GAS7: variants seen among roughly 807,000 people sequenced by gnomAD.
GAS7 encodes growth arrest-specific protein 7.
GAS7 carries 28 observed loss-of-function variants against 71.1 expected under a neutral mutation model. The observed-to-expected ratio is 0.39, with a 90% CI of 0.29 to 0.54. GAS7 has a LOEUF of 0.54. Ranked by LOEUF, GAS7 falls within the 20% of genes least tolerant of loss-of-function variation. The pLI is 0.62. For missense variants in GAS7, 436 were observed against 627.8 expected, an observed-to-expected ratio of 0.69 and a Z score of 3.27; for synonymous variants, 258 against 245.8, an observed-to-expected ratio of 1.05 and a Z score of -0.46.
chr17:10,036,738 C>T, intron 1 of GAS7: 1 of 1,236,644 alleles, frequency 8.1e-7, no homozygotes, highest in Non-Finnish European at 1.0e-6. Flanking sequence ...TTTCCAGATG[C>T]AATGTTTCTG....
chr17:10,121,387 C>T (rs1045111757), intron 1 of GAS7, among the ~76,000 whole-genome samples: 12 of 152,012 alleles, frequency 7.9e-5, no homozygotes, highest in Non-Finnish European at 1.2e-4. Context: ...CCTCAAAAAA[C>T]AAATAAAAAA....
intron 1 of GAS7, among the ~76,000 whole-genome samples, chr17:10,047,019 T>A: frequency 6.6e-6 from 1 of 152,094 alleles, no homozygotes; most frequent in East Asian, 1.9e-4. Flanking sequence ...TAATTTGAGA[T>A]GCAGGATTTG....
At chr17:9,917,384 C>CT in intron 13 of GAS7, 43 bp from the exon 14 acceptor site, 2 of 1,353,748 alleles carry the variant, frequency 1.5e-6, no homozygotes, top group Non-Finnish European at 2.1e-6. Flanking sequence ...GAGACGGCGG[C>CT]CAAGCCAGGG....
chr17:10,014,776 G>GT (rs2071924189), intron 2 of GAS7, among the ~76,000 whole-genome samples: 1 of 152,174 alleles, frequency 6.6e-6, no homozygotes, highest in Non-Finnish European at 1.5e-5. Context: ...ACAGCATCTA[G>GT]TTTGATTTTG....
chr17:10,056,694 A>G (rs2073142096), intron 1 of GAS7, among the ~76,000 whole-genome samples: 2 of 151,692 alleles, frequency 1.3e-5, no homozygotes, highest in South Asian at 4.2e-4. Flanking sequence ...ACACGGTGAA[A>G]CCCCGTCTCT....
rs2067448589 is a variant in GAS7 at position 9,911,932 on chromosome 17, G to A, written c.*5296C>T. 4.3e-6 allele frequency: 1 copy of A among 232,050 alleles called. No homozygotes were observed. The highest frequency in any genetic ancestry group is 6.1e-5 in the East Asian group (1 of 16,414). 14.4% of individuals were successfully genotyped at this position (232,050 alleles called of 1,614,324 possible). A position where few individuals can be genotyped will look rare whatever the true frequency, so the allele number is the denominator to read the frequency against. ...GCCTGGTCTGGCCTTAACTGGGTGT[G>A]GTCCTGTCCCTGCCACCATGTACCA... On this transcript the variant is annotated 3_prime_UTR_variant, in exon 14 of 14. Transcript: ENST00000432992. This position sits in a 1 kb window ranked among gnomAD's most constrained non-coding sequence, Gnocchi z 4.0.
chr17:10,153,227 C>T (rs559582739), intron 1 of GAS7, among the ~76,000 whole-genome samples: 21 of 25,582 alleles, frequency 8.2e-4, no homozygotes, highest in African/African-American at 5.5e-3. Flanking sequence ...AAACACTGGG[C>T]GTGGTGGCTC....
chr17:10,121,407 T>G (rs778179478), intron 1 of GAS7, among the ~76,000 whole-genome samples: 1 of 151,896 alleles, frequency 6.6e-6, no homozygotes, highest in Non-Finnish European at 1.5e-5. Flanking sequence ...ATTTAAAAAT[T>G]TAAAAAAAGA....
intron 1 of GAS7, among the ~76,000 whole-genome samples, chr17:10,110,647 T>G (rs1023812199): frequency 6.6e-6 from 1 of 152,110 alleles, no homozygotes; most frequent in Non-Finnish European, 1.5e-5. Flanking sequence ...GATTTTTGTA[T>G]TTTTAGTAGA....
chr17:9,921,839 G>C (rs891905718), intron 11 of GAS7, among the ~76,000 whole-genome samples: 1 of 151,652 alleles, frequency 6.6e-6, no homozygotes. Flanking sequence ...GGCGCCTGTA[G>C]TCCCAGCTAC....
intron 2 of GAS7, among the ~76,000 whole-genome samples, chr17:9,988,698 T>C (rs1047822699): frequency 6.6e-6 from 1 of 151,738 alleles, no homozygotes; most frequent in Non-Finnish European, 1.5e-5. Flanking sequence ...AAAAAAAAAA[T>C]TAAATGATAT....
At position 9,926,605 on chromosome 17, in the gene GAS7, T is replaced by G; in HGVS notation, c.1014+36A>C. ...CCCCCTTCTTCCAGGCAGTCCCCCA[T>G]GCACCTGCCCTGGCCCAGCGTCCTG... On this transcript the variant is annotated intron_variant, in intron 10 of 13. Transcript: ENST00000432992. This position sits in a 1 kb window ranked among gnomAD's most constrained non-coding sequence, Gnocchi z 5.0. 1.2e-6 allele frequency: 2 copies of G among 1,607,372 alleles called. No homozygotes were observed. Among genetic ancestry groups the G allele is most frequent in the Non-Finnish European group, 1.7e-6 (2 of 1,177,292 alleles).
intron 2 of GAS7, among the ~76,000 whole-genome samples, chr17:10,017,021 C>T (rs2072053329): frequency 6.6e-6 from 1 of 150,478 alleles, no homozygotes; most frequent in South Asian, 2.1e-4. Flanking sequence ...ATCCCAGCTA[C>T]TCAGGGGGCT....
intron 1 of GAS7, among the ~76,000 whole-genome samples, chr17:10,189,505 C>T (rs2074481817): frequency 6.6e-6 from 1 of 151,650 alleles, no homozygotes; most frequent in Non-Finnish European, 1.5e-5. Flanking sequence ...CCCCGGCACA[C>T]CCCCAACCCC....
At chr17:10,124,861 T>G (rs1450013569) in intron 1 of GAS7, among the ~76,000 whole-genome samples, 1 of 151,952 alleles carries the variant, frequency 6.6e-6, no homozygotes, top group African/African-American at 2.4e-5. Flanking sequence ...GAGGTTGCAG[T>G]GAGCCGAGTT....
chr17:10,104,327 T>G (rs1169422290), intron 1 of GAS7, among the ~76,000 whole-genome samples: 1 of 152,144 alleles, frequency 6.6e-6, no homozygotes, highest in Admixed American at 6.5e-5. Flanking sequence ...CCATGACATC[T>G]CATGGGTTTT....
intron 1 of GAS7, among the ~76,000 whole-genome samples, chr17:10,058,262 AC>A (rs2073174985): frequency 1.5e-5 from 2 of 137,204 alleles, no homozygotes; most frequent in Admixed American, 6.8e-5. Flanking sequence ...AAAAACAAAA[AC>A]AAAAACAAAA....
chr17:10,198,140 G>T, intron 1 of GAS7, 68 bp downstream of exon 1: 2 of 1,480,122 alleles, frequency 1.4e-6, no homozygotes, highest in Non-Finnish European at 1.9e-6. Context: ...CCCGGAACGG[G>T]CAACAGGTAC....
At chr17:9,975,479 C>CCT (rs3074003) in intron 3 of GAS7, among the ~76,000 whole-genome samples, 68,083 of 149,050 alleles carry the variant, frequency 0.46, 17,117 homozygotes, top group African/African-American at 0.67. Context: ...CTTCGGGCTT[C>CCT]TTTTTCCTTC....
Sources: gnomAD v4.1 joint callset for allele counts (sites outside exome capture counted in the v4.1 genomes callset) on GRCh38, gnomAD v4.1.1 for gene constraint, Gnocchi (gnomAD v3.1) non-coding constraint, MANE v1.5 for transcripts, NCBI Gene and HGNC (gene_info 2026-07-23, HGNC 2026-07-21) for gene names.